The following ARHGEF11 variants were observed in gnomAD, a reference collection of about 807,000 sequenced individuals.
The protein encoded by ARHGEF11 is Rho guanine exchange factor (GEF) 11.
ARHGEF11 carries 55 observed loss-of-function variants against 193.7 expected under a neutral mutation model. The observed-to-expected ratio is 0.28, with a 90% CI of 0.23 to 0.36. The LOEUF (loss-of-function observed/expected upper bound fraction) is 0.36. Among genes scored for constraint, ARHGEF11 ranks in the 10% least tolerant of loss-of-function variants. The probability of loss-of-function intolerance (pLI) is 1.00; values close to 1 mark genes in which losing one functional copy is unlikely to be tolerated. For missense variants in ARHGEF11, 1,723 were observed against 2,005.6 expected (o/e 0.86, Z 2.69); for synonymous variants, 693 against 768.0 (o/e 0.90, Z 1.62).
At chr1:157,027,087 A>T (rs1273302649) in intron 1 of ARHGEF11, among the ~76,000 whole-genome samples, 5 of 152,170 alleles carry the variant, frequency 3.3e-5, no homozygotes, top group Non-Finnish European at 7.3e-5. Flanking sequence ...TTACTTAAAG[A>T]GTACTGTCTA....
In ARHGEF11 at chr1:156,958,813, C is replaced by T; in HGVS notation, c.1431G>A (p.Leu477=). 1 of 1,614,248 alleles carries T rather than the reference C, an allele frequency of 6.2e-7. No individual in the cohort carries two copies. The highest frequency in any genetic ancestry group is 1.3e-5 in the African/African-American group (1 of 75,080). Residue 477 remains leucine (L), a synonymous_variant, in exon 17 of 41, where the codon CTG becomes CTA. Transcript: ENST00000368194. ...LGSLYGENDL[L]DLDGDPLRER... Reference sequence around the variant, plus strand: ...CTCGGAGAGGGTCCCCATCCAGGTCCAGCAGGTCATTTTCACCATACAGGC... The same window carrying T: ...CTCGGAGAGGGTCCCCATCCAGGTCTAGCAGGTCATTTTCACCATACAGGC...
intron 1 of ARHGEF11, among the ~76,000 whole-genome samples, chr1:156,997,308 G>T (rs558145909): frequency 9.6e-4 from 146 of 152,302 alleles, no homozygotes; most frequent in Non-Finnish European, 1.8e-3. Context: ...CATTGCTAGG[G>T]AGTATGATGG....
Position 156,944,644 on chromosome 1 carries a change from C to T in ARHGEF11, c.2992-211G>A, listed in dbSNP as rs12082531. Among the ~76,000 whole-genome samples the T allele has an allele frequency of 5.2e-3, 797 of 152,306 alleles. 2 individuals are homozygous for T. The highest frequency in any genetic ancestry group is 0.018 in the African/African-American group (765 of 41,552). ...TGGCAGCAGGGGGATATACCAATGG[C>T]TCTGACTTGGGTCTCCCACCTGCCC... On this transcript the variant is annotated intron_variant, in intron 30 of 40. Transcript: ENST00000368194.
intron 29 of ARHGEF11, 95 bp downstream of exon 29, chr1:156,945,950 G>T (rs1259694206): frequency 1.5e-5 from 14 of 960,514 alleles, no homozygotes; most frequent in Non-Finnish European, 1.9e-5. Flanking sequence ...AAGACCACAA[G>T]GCACAGTGAC....
intron 3 of ARHGEF11, 87 bp from the exon 4 acceptor site, chr1:156,980,573 GA>G: frequency 1.4e-6 from 2 of 1,426,442 alleles, no homozygotes; most frequent in South Asian, 2.5e-5. Flanking sequence ...CCTCTCCTCT[GA>G]AATTTCCTCT....
At chr1:157,020,553 T>G (rs1669846959) in intron 1 of ARHGEF11, among the ~76,000 whole-genome samples, 1 of 152,222 alleles carries the variant, frequency 6.6e-6, no homozygotes, top group African/African-American at 2.4e-5. Flanking sequence ...AGTCTTGCAT[T>G]TTATCTGTTT....
chr1:157,029,261 TTTGTTG>T (rs3082842), intron 1 of ARHGEF11, among the ~76,000 whole-genome samples: 15 of 150,420 alleles, frequency 1.0e-4, no homozygotes, highest in Admixed American at 3.3e-4. Flanking sequence ...TTTGGTGGTT[TTTGTTG>T]TTGTTGTTGT....
intron 1 of ARHGEF11, among the ~76,000 whole-genome samples, chr1:157,015,742 G>T (rs529369981): frequency 6.6e-6 from 1 of 152,342 alleles, no homozygotes; most frequent in South Asian, 2.1e-4. Flanking sequence ...CTTTCCACTG[G>T]AGGAGGAAGC....
At chr1:156,961,121 GGATGGC>G (rs1191626445) in intron 14 of ARHGEF11, among the ~76,000 whole-genome samples, 1 of 152,190 alleles carries the variant, frequency 6.6e-6, no homozygotes, top group Non-Finnish European at 1.5e-5. Flanking sequence ...AGAAAGTCTG[GGATGGC>G]GATTGCCCTT....
At chr1:156,939,078 AC>A (rs1656189246) in intron 37 of ARHGEF11, 1 of 208,354 alleles carries the variant, frequency 4.8e-6, no homozygotes, top group Non-Finnish European at 9.5e-6. Flanking sequence ...TTTGTCCTCC[AC>A]CCCTTCCAGT....
At chr1:156,951,768 C>T in intron 21 of ARHGEF11, 69 bp from the exon 22 acceptor site, 1 of 1,595,724 alleles carries the variant, frequency 6.3e-7, no homozygotes. Context: ...GCTTGGACTT[C>T]CCCAGATCCC....
At position 156,944,375 on chromosome 1, in the gene ARHGEF11, C is replaced by T. The variant is rs779001906; in HGVS notation, c.3050G>A (p.Ser1017Asn). ...IHEGPLTWRI[S>N]KDKTLDLHVL... ...GCACATACCCAAGGTCTTATCCTTG[C>T]TGATCCTCCAGGTCAGGGGTCCCTC... The change falls in exon 31 of 41, where the codon AGC (serine) becomes AAC (asparagine). Residue 1017 changes from serine to asparagine, a missense_variant. Ser to Asn is a conservative substitution (Grantham distance 46, BLOSUM62 1). Coordinates refer to ENST00000368194, the MANE Select transcript of ARHGEF11 (RefSeq NM_198236.3). The T allele has an allele frequency of 1.9e-6, 3 of 1,614,174 alleles. No homozygotes were observed. The highest frequency in any genetic ancestry group is 3.3e-5 in the Admixed American group (2 of 60,024).
intron 28 of ARHGEF11, among the ~76,000 whole-genome samples, 175 bp downstream of exon 28, chr1:156,946,487 C>A (rs1473543739): frequency 6.6e-6 from 1 of 152,118 alleles, no homozygotes; most frequent in Non-Finnish European, 1.5e-5. Context: ...GGATTCTTTC[C>A]AACAAACAGA....
rs1194133037 is a variant in ARHGEF11, at chr1:157,045,644, C to A, written c.-1314G>T. Reference sequence around the variant, plus strand: ...CGGCGCCGCTCGCCCCGCGCCCGACCGCCGTGTTCCGGCCTTCGCGGCCGC... The same window carrying A: ...CGGCGCCGCTCGCCCCGCGCCCGACAGCCGTGTTCCGGCCTTCGCGGCCGC... On this transcript the variant is annotated 5_prime_UTR_variant, in exon 1 of 41. Transcript: ENST00000368194. Among the ~76,000 whole-genome samples the A allele has an allele frequency of 6.7e-6, 1 of 148,988 alleles. No individual in the cohort carries two copies. Among genetic ancestry groups the A allele is most frequent in the East Asian group, 1.9e-4 (1 of 5,168 alleles).
intron 12 of ARHGEF11, 88 bp downstream of exon 12, chr1:156,963,432 C>T: frequency 6.6e-7 from 1 of 1,522,150 alleles, no homozygotes; most frequent in Non-Finnish European, 9.1e-7. Flanking sequence ...GTTCCCTTCA[C>T]AGCTGATGCT....
At chr1:156,998,161 C>A (rs1377042565) in intron 1 of ARHGEF11, among the ~76,000 whole-genome samples, 4 of 152,190 alleles carry the variant, frequency 2.6e-5, no homozygotes. Context: ...GCACAACTGT[C>A]TCCCAGAAAC....
chr1:156,939,458 G>A (rs1224609118), intron 37 of ARHGEF11, 90 bp downstream of exon 37: 4 of 1,565,734 alleles, frequency 2.6e-6, no homozygotes, highest in Non-Finnish European at 3.5e-6. Flanking sequence ...GTACCCAGGG[G>A]GAGTATAGGG....
chr1:156,940,048 T>TG (rs1656467050), intron 36 of ARHGEF11, 138 bp from the exon 37 acceptor site: 1 of 1,438,186 alleles, frequency 7.0e-7, no homozygotes, highest in African/African-American at 1.4e-5. Context: ...AACTAGCTGG[T>TG]GGGGGTTGGG....
chr1:157,009,533 A>T (rs549408050), intron 1 of ARHGEF11, among the ~76,000 whole-genome samples: 15 of 152,356 alleles, frequency 9.8e-5, no homozygotes, highest in Admixed American at 2.6e-4. Context: ...CATAGTCATC[A>T]GAAAATGGAA....
Sources: allele counts gnomAD v4.1 joint callset (sites outside exome capture counted in the v4.1 genomes callset), GRCh38; gene constraint gnomAD v4.1.1; transcripts MANE v1.5; gene names NCBI Gene and HGNC (gene_info 2026-07-23, HGNC 2026-07-21).